Variants in ACAN observed in about 807,000 individuals in gnomAD.
The protein encoded by ACAN is aggrecan.
In ACAN, 47 loss-of-function variants were observed where a neutral mutation model predicts 169.1. The ratio of observed to expected loss-of-function variants is 0.28; its 90% CI spans 0.22 to 0.35. The LOEUF is 0.35. Among genes scored for constraint, ACAN ranks in the 10% least tolerant of loss-of-function variants. The pLI, the probability that ACAN is intolerant of heterozygous loss-of-function variation, is 1.00. For missense variants in ACAN, 2,716 were observed against 2,759.9 expected, an observed-to-expected ratio of 0.98 and a Z score of 0.36; for synonymous variants, 1,115 against 1,112.2, an observed-to-expected ratio of 1.00 and a Z score of -0.05.
chr15:88,868,407 C>G lies in ACAN; in HGVS notation c.7060+78C>G. Reference sequence around the variant, plus strand: ...CTCCCTCACCTTTCCCTCCTAACAACAGGCTCCAGGCCCTGGCTGGGGCCC... The same window carrying G: ...CTCCCTCACCTTTCCCTCCTAACAAGAGGCTCCAGGCCCTGGCTGGGGCCC... On this transcript the variant is annotated intron_variant, in intron 14 of 18. Coordinates refer to ENST00000560601, the MANE Select transcript of ACAN (RefSeq NM_001369268.1). This position sits in a 1 kb window ranked among gnomAD's most constrained non-coding sequence, Gnocchi z 5.2. 2 of 650,160 alleles carry G rather than the reference C, an allele frequency of 3.1e-6. No homozygotes were observed. The highest frequency in any genetic ancestry group is 1.8e-5 in the African/African-American group (1 of 56,016). The allele number at this position is 650,160 out of a possible 1,614,324, so 40.3% of individuals were successfully genotyped here. A position where few individuals can be genotyped will look rare whatever the true frequency, so the allele number is the denominator to read the frequency against.
In ACAN at chr15:88,843,109, C is replaced by T. The variant is rs1432012648; in HGVS notation, c.758-246C>T. On this transcript the variant is annotated intron_variant, in intron 5 of 18. Transcript: ENST00000560601. The surrounding 1 kb of genome is among the most constrained non-coding windows in gnomAD (Gnocchi z 4.0). ...ATTTCAAGTTTGCTCCACCCTTTGC[C>T]CAATCTCCCTGCCACTTTTGCTGCT... is the stretch of plus-strand genomic sequence containing the variant. Among the ~76,000 whole-genome samples the T allele has an allele frequency of 6.6e-6, 1 of 152,182 alleles. No individual in the cohort carries two copies. Among genetic ancestry groups the T allele is most frequent in the East Asian group, 1.9e-4 (1 of 5,186 alleles).
In ACAN at chr15:88,849,288, T is replaced by A. The variant is rs769356317; in HGVS notation, c.1733-150T>A. ...CTATTTCCCAGGGTCCCAGAAAATC[T>A]AAGGGGGAGTGGTCAAAAAAGGGGT... On this transcript the variant is annotated intron_variant, in intron 9 of 18. Coordinates refer to ENST00000560601, the MANE Select transcript of ACAN (RefSeq NM_001369268.1). This position sits in a 1 kb window ranked among gnomAD's most constrained non-coding sequence, Gnocchi z 5.1. 1.4e-4 allele frequency: 105 copies of A among 745,446 alleles called. No individual in the cohort carries two copies. The highest frequency in any genetic ancestry group is 2.1e-4 in the Non-Finnish European group (100 of 480,082). 46.2% of individuals were successfully genotyped at this position (745,446 alleles called of 1,614,324 possible).
intron 1 of ACAN, among the ~76,000 whole-genome samples, chr15:88,831,218 T>C (rs1282267321): frequency 6.6e-6 from 1 of 152,194 alleles, no homozygotes; most frequent in Non-Finnish European, 1.5e-5. Flanking sequence ...TGGTTCTCCT[T>C]GGAGCCCTGG....
intron 4 of ACAN, among the ~76,000 whole-genome samples, chr15:88,840,882 T>A (rs113238597): frequency 3.3e-5 from 5 of 151,940 alleles, no homozygotes; most frequent in Non-Finnish European, 7.4e-5. Flanking sequence ...CAGTGGCTCA[T>A]GCCTGTAATC....
At chr15:88,816,811 A>G (rs1240181486) in intron 1 of ACAN, among the ~76,000 whole-genome samples, 1 of 152,246 alleles carries the variant, frequency 6.6e-6, no homozygotes, top group African/African-American at 2.4e-5. Flanking sequence ...CACCATGCCC[A>G]AGAACTTCAT....
rs753047932 is a variant in ACAN, at chr15:88,859,281, G to A, written c.6696G>A (p.Thr2232=). Residue 2232 remains threonine (T), a synonymous_variant, in exon 12 of 19, where the codon ACG becomes ACA. Coordinates refer to ENST00000560601, the MANE Select transcript of ACAN (RefSeq NM_001369268.1). ...AGCAGACCCAGCGCCCTGCAGAGAC[G>A]CATCTAGAAATTGAGTCCTCAAGCC... ...WTQQTQRPAE[T]HLEIESSSLL... is the part of the protein sequence containing the mutation. 50 of 1,613,588 alleles carry A rather than the reference G, an allele frequency of 3.1e-5. No individual in the cohort carries two copies. Among genetic ancestry groups the A allele is most frequent in the Non-Finnish European group, 3.6e-5 (42 of 1,179,786 alleles).
In ACAN at chr15:88,872,832, C is replaced by T; in HGVS notation, c.7303-49C>T. ...GGGGAAGACAGTCGGAGCAGGCCAA[C>T]CCGCACTGTCCTGCCCTCTCCTTAC... On this transcript the variant is annotated intron_variant, in intron 16 of 18. Coordinates refer to ENST00000560601, the MANE Select transcript of ACAN (RefSeq NM_001369268.1). The surrounding 1 kb of genome is among the most constrained non-coding windows in gnomAD (Gnocchi z 5.4). 6.2e-7 allele frequency: 1 copy of T among 1,602,612 alleles called. No homozygotes were observed. Among genetic ancestry groups the T allele is most frequent in the African/African-American group, 1.3e-5 (1 of 74,800 alleles).
chr15:88,858,205 G>T lies in ACAN; in HGVS notation c.5620G>T (p.Val1874Phe). ...DLSGKSGMVD[V>F]SGQFSGTVDS... Reference sequence around the variant, plus strand: ...GTCAGGCAAATCTGGGATGGTGGATGTCAGTGGACAGTTTTCTGGAACAGT... The same window carrying T: ...GTCAGGCAAATCTGGGATGGTGGATTTCAGTGGACAGTTTTCTGGAACAGT... The change falls in exon 12 of 19, where the codon GTC becomes TTC. Residue 1874 changes from valine to phenylalanine, a missense_variant. By Grantham distance (50) the Val-to-Phe change is conservative. This residue lies in a region of ACAN where 1,389 missense variants were observed against 1,363.7 expected (regional missense o/e 1.02). Coordinates refer to ENST00000560601, the MANE Select transcript of ACAN (RefSeq NM_001369268.1). This position sits in a 1 kb window ranked among gnomAD's most constrained non-coding sequence, Gnocchi z 4.0. 1.2e-6 allele frequency: 2 copies of T among 1,613,978 alleles called. No homozygotes were observed. The highest frequency in any genetic ancestry group is 2.7e-5 in the African/African-American group (2 of 75,064).
intron 1 of ACAN, among the ~76,000 whole-genome samples, chr15:88,831,445 A>C: frequency 6.6e-6 from 1 of 152,230 alleles, no homozygotes; most frequent in East Asian, 1.9e-4. Context: ...CTCCAGTCCC[A>C]TCCTCAGCCC....
At chr15:88,810,242 A>G (rs761614789) in intron 1 of ACAN, among the ~76,000 whole-genome samples, 2 of 151,922 alleles carry the variant, frequency 1.3e-5, no homozygotes, top group Non-Finnish European at 2.9e-5. Context: ...GTGACATCCA[A>G]TCAGAACCCA....
intron 1 of ACAN, among the ~76,000 whole-genome samples, chr15:88,819,362 AC>A (rs1486808627): frequency 6.6e-6 from 1 of 152,100 alleles, no homozygotes; most frequent in Non-Finnish European, 1.5e-5. Context: ...GCCCTGAGGT[AC>A]CTTGGTTCTT....
In ACAN at chr15:88,832,771, G is replaced by A. The variant is rs566972385; in HGVS notation, c.-7-3429G>A. Among the ~76,000 whole-genome samples the A allele has an allele frequency of 1.2e-4, 18 of 152,332 alleles. No homozygotes were observed. In the East Asian group the frequency reaches 2.5e-3, roughly 21 times the overall value. ...TCCAACCCTCATCCTGGGACAGGAA[G>A]CCTCTCTACAACCACTAAACTCTCT... On this transcript the variant is annotated intron_variant, in intron 1 of 18. Coordinates refer to ENST00000560601, the MANE Select transcript of ACAN (RefSeq NM_001369268.1).
Position 88,871,290 on chromosome 15 carries a change from T to G in ACAN, c.7061-92T>G. ...TGAGGGCACAGCATGGAAGGTGGGG[T>G]GAACGCAGGAACCTATGCCATAAGA... is the stretch of plus-strand genomic sequence containing the variant. On this transcript the variant is annotated intron_variant, in intron 14 of 18. Transcript: ENST00000560601. The surrounding 1 kb of genome is among the most constrained non-coding windows in gnomAD (Gnocchi z 7.8). 2 of 1,544,228 alleles carry G rather than the reference T, an allele frequency of 1.3e-6. No individual in the cohort carries two copies. Among genetic ancestry groups the G allele is most frequent in the South Asian group, 1.2e-5 (1 of 86,172 alleles).
At position 88,845,866 on chromosome 15, in the gene ACAN, G is replaced by A; in HGVS notation, c.1413G>A (p.Gln471=). Residue 471 remains glutamine (Q), a synonymous_variant, in exon 7 of 19, where the codon CAG becomes CAA. Transcript: ENST00000560601. ...TGCAGGTGACCGCTGTCCCTGGGCAGCCGCATTTGCCAGGGGGTAAGTAGC... is the reference window on the plus strand; with the variant it reads ...TGCAGGTGACCGCTGTCCCTGGGCAACCGCATTTGCCAGGGGGTAAGTAGC... ...LVVQVTAVPG[Q]PHLPGGVVFH... 1 of 1,454,402 alleles carries A rather than the reference G, an allele frequency of 6.9e-7. No homozygotes were observed. Among genetic ancestry groups the A allele is most frequent in the Middle Eastern group, 1.8e-4 (1 of 5,458 alleles). The allele number at this position is 1,454,402 out of a possible 1,614,324, so 90.1% of individuals were successfully genotyped here. A position where few individuals can be genotyped will look rare whatever the true frequency, so the allele number is the denominator to read the frequency against.
In ACAN at chr15:88,874,291, A is replaced by C; in HGVS notation, c.7631-114A>C. On this transcript the variant is annotated intron_variant, in intron 18 of 18. Coordinates refer to ENST00000560601, the MANE Select transcript of ACAN (RefSeq NM_001369268.1). The surrounding 1 kb of genome is among the most constrained non-coding windows in gnomAD (Gnocchi z 7.3). ...AAATCAGGAAAGCCGATAAAGCCTC[A>C]GGCGCCTGAGTCCTGGTTTCCACAA... The C allele has an allele frequency of 8.7e-7, 1 of 1,147,146 alleles. No homozygotes were observed. Among genetic ancestry groups the C allele is most frequent in the South Asian group, 1.3e-5 (1 of 74,912 alleles). The allele number at this position is 1,147,146 out of a possible 1,614,324, so 71.1% of individuals were successfully genotyped here.
rs762194333 is a variant in ACAN at position 88,857,566 on chromosome 15, C to T, written c.4981C>T (p.Leu1661=). The T allele has an allele frequency of 1.9e-5, 30 of 1,613,824 alleles. No individual in the cohort carries two copies. The highest frequency in any genetic ancestry group is 2.5e-5 in the Non-Finnish European group (29 of 1,179,904). The part of the protein sequence containing the change: ...GLPSGFPTVS[L]VDSTLVEVVT... ...TCCATCTGGATTCCCAACTGTTTCCCTAGTGGATTCTACATTGGTGGAAGT... is the reference window on the plus strand; with the variant it reads ...TCCATCTGGATTCCCAACTGTTTCCTTAGTGGATTCTACATTGGTGGAAGT... Residue 1661 remains leucine, a synonymous_variant, in exon 12 of 19, where the codon CTA becomes TTA. Coordinates refer to ENST00000560601, the MANE Select transcript of ACAN (RefSeq NM_001369268.1).
chr15:88,821,880 A>C (rs1370068847), intron 1 of ACAN, among the ~76,000 whole-genome samples: 2 of 152,238 alleles, frequency 1.3e-5, no homozygotes, highest in African/African-American at 2.4e-5. Flanking sequence ...GTTACGGTTT[A>C]TTACAGCAAA....
Position 88,849,853 on chromosome 15 carries a change from G to T in ACAN, c.2026+122G>T. ...AGAGCAAGAAAATGTCAGTCCCTCTGGGGCAGAGCCAGCTCTGAAACCAGC... is the reference window on the plus strand; with the variant it reads ...AGAGCAAGAAAATGTCAGTCCCTCTTGGGCAGAGCCAGCTCTGAAACCAGC... On this transcript the variant is annotated intron_variant, in intron 10 of 18. Coordinates refer to ENST00000560601, the MANE Select transcript of ACAN (RefSeq NM_001369268.1). The surrounding 1 kb of genome is among the most constrained non-coding windows in gnomAD (Gnocchi z 5.1). 1 of 1,383,236 alleles carries T rather than the reference G, an allele frequency of 7.2e-7. No individual in the cohort carries two copies. The highest frequency in any genetic ancestry group is 1.0e-6 in the Non-Finnish European group (1 of 1,000,228). The allele number at this position is 1,383,236 out of a possible 1,614,324, so 85.7% of individuals were successfully genotyped here.
At chr15:88,831,855 G>A (rs186725158) in intron 1 of ACAN, among the ~76,000 whole-genome samples, 43 of 152,340 alleles carry the variant, frequency 2.8e-4, no homozygotes, top group Non-Finnish European at 5.1e-4. Context: ...AGGAGGAAGC[G>A]TTGGTTGGAG....
Sources: gnomAD v4.1 joint callset for allele counts (sites outside exome capture counted in the v4.1 genomes callset) on GRCh38, gnomAD v4.1.1 for gene constraint, gnomAD v4.1.1 regional missense constraint, Gnocchi (gnomAD v3.1) non-coding constraint, MANE v1.5 for transcripts, NCBI Gene and HGNC (gene_info 2026-07-23, HGNC 2026-07-21) for gene names.